Variants in ASIC2 observed in about 807,000 individuals in gnomAD.
The protein encoded by ASIC2 is acid sensing ion channel subunit 2.
ASIC2 carries 25 observed loss-of-function variants against 57.3 expected under a neutral mutation model. That is an observed-to-expected ratio of 0.44 (90% CI 0.32 to 0.61). ASIC2 has a LOEUF of 0.61. ASIC2 is among the 20% of genes least tolerant of loss of function. ASIC2 has a pLI of 0.06. For missense variants in ASIC2, 641 were observed against 738.1 expected (o/e 0.87, Z 1.52); for synonymous variants, 319 against 307.5 (o/e 1.04, Z -0.39).
intron 1 of ASIC2, among the ~76,000 whole-genome samples, chr17:33,483,208 C>A (rs774146492): frequency 6.6e-6 from 1 of 152,218 alleles, no homozygotes; most frequent in Non-Finnish European, 1.5e-5. Context: ...CCAGCATCAC[C>A]GGCCCTGGCA....
chr17:33,841,183 G>A (rs924741453), intron 1 of ASIC2, among the ~76,000 whole-genome samples: 8 of 152,186 alleles, frequency 5.3e-5, no homozygotes, highest in Admixed American at 6.5e-5. Flanking sequence ...TACACTTGTG[G>A]GCAAGTTGTT....
chr17:33,982,231 CT>C (rs1258687742), intron 1 of ASIC2, among the ~76,000 whole-genome samples: 1 of 152,230 alleles, frequency 6.6e-6, no homozygotes, highest in African/African-American at 2.4e-5. Flanking sequence ...GGAAATAGCT[CT>C]GTATTTATTT....
At chr17:33,658,007 A>G (rs1395469566) in intron 1 of ASIC2, among the ~76,000 whole-genome samples, 1 of 152,148 alleles carries the variant, frequency 6.6e-6, no homozygotes, top group Non-Finnish European at 1.5e-5. Flanking sequence ...GCCTACTACA[A>G]TAAGCCAGTC....
chr17:33,484,028 C>T (rs34659915), intron 1 of ASIC2, among the ~76,000 whole-genome samples: 31,899 of 151,988 alleles, frequency 0.21, 3,917 homozygotes, highest in Non-Finnish European at 0.28. Flanking sequence ...ATGAGGGCAA[C>T]GGGGAGAAGC....
At chr17:33,443,133 T>C (rs1036091420) in intron 1 of ASIC2, among the ~76,000 whole-genome samples, 2 of 152,232 alleles carry the variant, frequency 1.3e-5, no homozygotes, top group African/African-American at 4.8e-5. Context: ...TATATAATCC[T>C]TCTTATATGT....
intron 1 of ASIC2, among the ~76,000 whole-genome samples, chr17:33,521,901 C>A (rs1392931488): frequency 2.0e-5 from 3 of 152,202 alleles, no homozygotes; most frequent in Non-Finnish European, 4.4e-5. Flanking sequence ...AGGCAGGCCC[C>A]TTCCCCCATC....
At chr17:33,462,872 A>G (rs927376075) in intron 1 of ASIC2, among the ~76,000 whole-genome samples, 2 of 152,142 alleles carry the variant, frequency 1.3e-5, no homozygotes, top group African/African-American at 4.8e-5. Flanking sequence ...TTGCGGCTAG[A>G]TGTTTGGAGA....
intron 1 of ASIC2, among the ~76,000 whole-genome samples, chr17:33,982,426 G>A (rs182946408): frequency 3.3e-5 from 5 of 152,348 alleles, no homozygotes; most frequent in Non-Finnish European, 7.3e-5. Flanking sequence ...CCTGGCCAGA[G>A]GCTGCAGCTC....
chr17:33,187,919 GAAAAAAAGAAAAAAGA>G (rs1190913637), intron 1 of ASIC2, among the ~76,000 whole-genome samples: 1 of 129,564 alleles, frequency 7.7e-6, no homozygotes, highest in Non-Finnish European at 1.7e-5. Context: ...AAAAAAAAAA[GAAAAAAAGAAAAAAGA>G]AAAAAAAGAA....
chr17:33,567,156 G>C (rs979562335), intron 1 of ASIC2, among the ~76,000 whole-genome samples: 1 of 151,832 alleles, frequency 6.6e-6, no homozygotes, highest in Admixed American at 6.6e-5. Context: ...TGGGGTGGCT[G>C]TGGTGGCTGC....
intron 1 of ASIC2, among the ~76,000 whole-genome samples, chr17:34,104,500 T>C (rs1910973507): frequency 6.6e-6 from 1 of 152,160 alleles, no homozygotes; most frequent in Admixed American, 6.5e-5. Context: ...TCATACAATA[T>C]TGAATAGAAG....
intron 3 of ASIC2, among the ~76,000 whole-genome samples, chr17:33,064,472 G>A (rs1193161558): frequency 2.0e-5 from 3 of 152,212 alleles, no homozygotes; most frequent in Non-Finnish European, 4.4e-5. Flanking sequence ...GTTTGCCTGG[G>A]TTTGTGGGTT....
chr17:33,388,155 A>G (rs1909759627), intron 1 of ASIC2, among the ~76,000 whole-genome samples: 1 of 152,224 alleles, frequency 6.6e-6, no homozygotes. Context: ...AGGCAATGTG[A>G]TCACTGAGGC....
intron 1 of ASIC2, among the ~76,000 whole-genome samples, chr17:34,040,515 G>A (rs552621166): frequency 3.2e-4 from 49 of 152,194 alleles, no homozygotes; most frequent in Non-Finnish European, 6.3e-4. Context: ...TAATCATCCT[G>A]CCAATTTTAT....
At chr17:33,651,002 A>C (rs780750459) in intron 1 of ASIC2, among the ~76,000 whole-genome samples, 12 of 152,228 alleles carry the variant, frequency 7.9e-5, no homozygotes, top group Non-Finnish European at 1.5e-4. Flanking sequence ...GGCATACAGG[A>C]TCTCTCTGCA....
At chr17:33,819,429 CTG>C (rs1567724639) in intron 1 of ASIC2, among the ~76,000 whole-genome samples, 1 of 152,210 alleles carries the variant, frequency 6.6e-6, no homozygotes. Context: ...AGCTAGGAAA[CTG>C]TGACAAAGGA....
At chr17:33,260,233 T>A (rs1909229211) in intron 1 of ASIC2, among the ~76,000 whole-genome samples, 2 of 152,108 alleles carry the variant, frequency 1.3e-5, no homozygotes, top group Non-Finnish European at 2.9e-5. Flanking sequence ...GGCCCCTGAA[T>A]CCAGGACTCT....
At chr17:34,141,663 C>T (rs886520982) in intron 1 of ASIC2, among the ~76,000 whole-genome samples, 2 of 152,194 alleles carry the variant, frequency 1.3e-5, no homozygotes, top group Non-Finnish European at 2.9e-5. Context: ...ACTCATAACC[C>T]TGGAGATTGG....
At chr17:33,420,124 C>T (rs1018118317) in intron 1 of ASIC2, among the ~76,000 whole-genome samples, 23 of 152,092 alleles carry the variant, frequency 1.5e-4, no homozygotes, top group African/African-American at 5.1e-4. Context: ...AAAAGTAGTT[C>T]ATAATAAAAA....
Sources: allele counts gnomAD v4.1 joint callset (sites outside exome capture counted in the v4.1 genomes callset), GRCh38; gene constraint gnomAD v4.1.1; transcripts MANE v1.5; gene names NCBI Gene and HGNC (gene_info 2026-07-23, HGNC 2026-07-21).